The following RECQL5 variants were observed in gnomAD, a reference collection of about 807,000 sequenced individuals.
RECQL5 encodes ATP-dependent DNA helicase Q5.
Under a neutral mutation model 103.4 loss-of-function variants are expected in RECQL5, and 88 were observed. The ratio of observed to expected loss-of-function variants is 0.85; its 90% CI spans 0.72 to 1.02. RECQL5 has a LOEUF of 1.02. Ranked by LOEUF, RECQL5 falls within the 50% of genes least tolerant of loss-of-function variation. The pLI, the probability that RECQL5 is intolerant of heterozygous loss-of-function variation, is 0.00. For missense variants in RECQL5, 1,232 were observed against 1,284.3 expected (o/e 0.96, Z 0.62); for synonymous variants, 552 against 507.9 (o/e 1.09, Z -1.17).
At chr17:75,633,913 C>T in intron 8 of RECQL5, 1 of 987,812 alleles carries the variant, frequency 1.0e-6, no homozygotes, top group Non-Finnish European at 1.2e-6. Context: ...CTTGTCTTGT[C>T]CCTGAGCAGC....
chr17:75,664,068 A>AG (rs1555714501), intron 3 of RECQL5, among the ~76,000 whole-genome samples: 7 of 151,586 alleles, frequency 4.6e-5, no homozygotes, highest in Admixed American at 2.0e-4. Context: ...AAAAAAAAAA[A>AG]AAAAAGAAAG....
intron 4 of RECQL5, among the ~76,000 whole-genome samples, chr17:75,662,093 G>A (rs190932738): frequency 1.5e-3 from 230 of 152,256 alleles, no homozygotes; most frequent in African/African-American, 5.1e-3. Flanking sequence ...CCCAGGAGGC[G>A]GAGGTTGCGG....
At position 75,629,446 on chromosome 17, in the gene RECQL5, G is replaced by A. The variant is rs534760049; in HGVS notation, c.1977C>T (p.Phe659=). 8 of 1,504,564 alleles carry A rather than the reference G, an allele frequency of 5.3e-6. No individual in the cohort carries two copies. In the African/African-American group the frequency reaches 7.0e-5, roughly 13 times the overall value. 93.2% of individuals were successfully genotyped at this position (1,504,564 alleles called of 1,614,324 possible). A position where few individuals can be genotyped will look rare whatever the true frequency, so the allele number is the denominator to read the frequency against. Residue 659 remains phenylalanine (F), a synonymous_variant, in exon 16 of 20, where the codon TTC becomes TTT. Transcript: ENST00000317905. ...SLKPKRVGAG[F]PKGSCPFQTA... Reference sequence around the variant, plus strand: ...TCTGGAACGGGCAGGAGCCTTTGGGGAAACCAGCTCCCACCCGCTTGGGTT... The same window carrying A: ...TCTGGAACGGGCAGGAGCCTTTGGGAAAACCAGCTCCCACCCGCTTGGGTT...
chr17:75,666,349 G>A, intron 2 of RECQL5, 79 bp downstream of exon 2: 3 of 1,508,036 alleles, frequency 2.0e-6, no homozygotes, highest in Admixed American at 1.8e-5. Flanking sequence ...CAGTACGAAG[G>A]GTGAGGAGGA....
intron 7 of RECQL5, among the ~76,000 whole-genome samples, chr17:75,655,218 C>T (rs970026696): frequency 2.0e-4 from 30 of 152,246 alleles, no homozygotes; most frequent in African/African-American, 3.9e-4. Flanking sequence ...ATTACAGGAG[C>T]CCGCCACCAC....
intron 3 of RECQL5, among the ~76,000 whole-genome samples, chr17:75,663,625 A>G (rs918011535): frequency 6.6e-6 from 1 of 152,158 alleles, no homozygotes; most frequent in African/African-American, 2.4e-5. Flanking sequence ...AGTCAGACAG[A>G]CTTCAGATTT....
rs1420564139 is a variant in RECQL5, at chr17:75,630,824, G to A, written c.1599C>T (p.Pro533=). 2.0e-6 allele frequency: 3 copies of A among 1,471,028 alleles called. No homozygotes were observed. The highest frequency in any genetic ancestry group is 4.5e-5 in the Admixed American group (2 of 44,836). 91.1% of individuals were successfully genotyped at this position (1,471,028 alleles called of 1,614,324 possible). ...EEFVPPDENC[P]LKEASSRRIP... Reference sequence around the variant, plus strand: ...TCCTCCTGCTAGAAGCCTCTTTCAGGGGACAGTTCTCATCTGTGGGGGGGG... The same window carrying A: ...TCCTCCTGCTAGAAGCCTCTTTCAGAGGACAGTTCTCATCTGTGGGGGGGG... The change falls in exon 12 of 20, where the codon CCC becomes CCT. Residue 533 remains proline (P), a synonymous_variant. Coordinates refer to ENST00000317905, the MANE Select transcript of RECQL5 (RefSeq NM_004259.7).
chr17:75,628,709 T>G lies in RECQL5; in HGVS notation c.2543A>C (p.Lys848Thr). 1 of 1,591,334 alleles carries G rather than the reference T, an allele frequency of 6.3e-7. No homozygotes were observed. The highest frequency in any genetic ancestry group is 8.5e-7 in the Non-Finnish European group (1 of 1,174,490). The change falls in exon 17 of 20, where the codon AAG becomes ACG. Residue 848 changes from lysine (K) to threonine (T), a missense_variant. By Grantham distance (78) the Lys-to-Thr change is moderately conservative. Coordinates refer to ENST00000317905, the MANE Select transcript of RECQL5 (RefSeq NM_004259.7). ...AGGCCGCTTGCCCTTCCATGTGTCC[T>G]TTGCAGGGGTGGGCTGGACTTCAGG... ...GTPEVQPTPAKDTWKGKRPRS... is the reference protein window; with the variant it reads ...GTPEVQPTPATDTWKGKRPRS...
intron 8 of RECQL5, chr17:75,650,366 T>C (rs2059539143): frequency 8.6e-7 from 1 of 1,162,192 alleles, no homozygotes; most frequent in Non-Finnish European, 1.1e-6. Flanking sequence ...AAAGAGTTTC[T>C]CTGATTTCCT....
chr17:75,666,839 G>T (rs1453669462), intron 1 of RECQL5: 2 of 367,242 alleles, frequency 5.4e-6, no homozygotes, highest in East Asian at 1.1e-4. Context: ...ATCAAGAGAA[G>T]AAACATAAAT....
At chr17:75,632,253 TAC>T (rs1011445557) in intron 8 of RECQL5, among the ~76,000 whole-genome samples, 27 of 152,346 alleles carry the variant, frequency 1.8e-4, no homozygotes, top group African/African-American at 6.5e-4. Flanking sequence ...ACCACTGTGT[TAC>T]AACTGCATAC....
intron 7 of RECQL5, among the ~76,000 whole-genome samples, chr17:75,652,181 C>G: frequency 6.6e-6 from 1 of 151,922 alleles, no homozygotes; most frequent in East Asian, 1.9e-4. Context: ...GAGCTGAGAT[C>G]GTGGCACTGC....
chr17:75,649,778 G>A, intron 8 of RECQL5: 1 of 985,450 alleles, frequency 1.0e-6, no homozygotes, highest in Non-Finnish European at 1.2e-6. Context: ...TGTAGCAAAG[G>A]AGACAGGCAC....
intron 7 of RECQL5, 51 bp from the exon 8 acceptor site, chr17:75,651,316 T>C: frequency 6.2e-7 from 1 of 1,608,316 alleles, no homozygotes; most frequent in Non-Finnish European, 8.5e-7. Flanking sequence ...TGGACTACCT[T>C]AGAGCCACAA....
Position 75,662,776 on chromosome 17 carries a change from T to C in RECQL5, c.474A>G (p.Glu158=). ...RHLLSYLVVD[E]AHCVSQWGHD... is the part of the protein sequence containing the mutation. ...GCCCCCATTGGGAAACACAATGAGCTTCATCCACCACCAAGTAAGACAGCA... is the reference window on the plus strand; with the variant it reads ...GCCCCCATTGGGAAACACAATGAGCCTCATCCACCACCAAGTAAGACAGCA... The change falls in exon 4 of 20, where the codon GAA becomes GAG. Residue 158 remains glutamate (E), a synonymous_variant. Coordinates refer to ENST00000317905, the MANE Select transcript of RECQL5 (RefSeq NM_004259.7). 1.9e-6 allele frequency: 3 copies of C among 1,614,106 alleles called. No homozygotes were observed. Among genetic ancestry groups the C allele is most frequent in the Non-Finnish European group, 2.5e-6 (3 of 1,180,028 alleles).
At chr17:75,661,562 G>T in intron 5 of RECQL5, 44 bp downstream of exon 5, 1 of 1,340,492 alleles carries the variant, frequency 7.5e-7, no homozygotes, top group Non-Finnish European at 1.1e-6. Flanking sequence ...CAGCTAAGAA[G>T]CCTCTGAGGG....
At position 75,640,983 on chromosome 17, in the gene RECQL5, C is replaced by T. The variant is rs1251982957; in HGVS notation, c.1230-9315G>A. On this transcript the variant is annotated intron_variant, in intron 8 of 19. Transcript: ENST00000317905. This position sits in a 1 kb window ranked among gnomAD's most constrained non-coding sequence, Gnocchi z 4.6. ...ATCAGCCTGGCCCTGCAGCCCTTAC[C>T]CCTCAAGACCAGGCTCCCCTGGCCC... The T allele has an allele frequency of 2.0e-6, 3 of 1,503,018 alleles. No homozygotes were observed. Among genetic ancestry groups the T allele is most frequent in the Non-Finnish European group, 1.8e-6 (2 of 1,123,068 alleles). The allele number at this position is 1,503,018 out of a possible 1,614,324, so 93.1% of individuals were successfully genotyped here.
intron 6 of RECQL5, 128 bp from the exon 7 acceptor site, chr17:75,658,588 GA>G (rs1402081047): frequency 1.3e-6 from 1 of 797,360 alleles, no homozygotes; most frequent in African/African-American, 1.7e-5. Context: ...CCCAGAGTTA[GA>G]ATAGTTAAGA....
chr17:75,629,346 G>A lies in RECQL5; in HGVS notation c.2077C>T (p.Pro693Ser), dbSNP rs750485039. 7.2e-6 allele frequency: 11 copies of A among 1,520,748 alleles called. No individual in the cohort carries two copies. The highest frequency in any genetic ancestry group is 9.7e-6 in the Non-Finnish European group (11 of 1,134,950). 94.2% of individuals were successfully genotyped at this position (1,520,748 alleles called of 1,614,324 possible). Residue 693 changes from proline to serine, a missense_variant, in exon 16 of 20, where the codon CCC becomes TCC. By Grantham distance (74) the Pro-to-Ser change is moderately conservative (BLOSUM62 -1). Coordinates refer to ENST00000317905, the MANE Select transcript of RECQL5 (RefSeq NM_004259.7). Reference protein sequence around the residue: ...PQPERGGEHEPPSRPCGLLDE... With the variant: ...PQPERGGEHESPSRPCGLLDE... ...AGGAGGCCACAGGGCCGGCTCGGGG[G>A]CTCGTGCTCGCCTCCCCGCTCGGGC... is the stretch of plus-strand genomic sequence containing the variant.
Sources: gnomAD v4.1 joint callset for allele counts (sites outside exome capture counted in the v4.1 genomes callset) on GRCh38, gnomAD v4.1.1 for gene constraint, Gnocchi (gnomAD v3.1) non-coding constraint, MANE v1.5 for transcripts, NCBI Gene and HGNC (gene_info 2026-07-23, HGNC 2026-07-21) for gene names.